Variants in OTOG observed in about 807,000 individuals in gnomAD.
OTOG encodes the protein otogelin.
In OTOG, 296 loss-of-function variants were observed where a neutral mutation model predicts 313.8. The ratio of observed to expected loss-of-function variants is 0.94; its 90% CI spans 0.86 to 1.04. OTOG has a LOEUF of 1.04. OTOG is among the 50% of genes least tolerant of loss of function. The pLI is 0.00. For synonymous variants in OTOG, 1,533 were observed against 1,554.9 expected, an observed-to-expected ratio of 0.99 and a Z score of 0.33; for missense variants, 3,948 against 3,840.1, an observed-to-expected ratio of 1.03 and a Z score of -0.74.
chr11:17,631,397 G>GT, intron 40 of OTOG, among the ~76,000 whole-genome samples: 1 of 140,624 alleles, frequency 7.1e-6, no homozygotes, highest in African/African-American at 2.8e-5. Context: ...TGTGGGGGGG[G>GT]GTATACATTT....
At chr11:17,584,014 A>C (rs1396238853) in intron 23 of OTOG, among the ~76,000 whole-genome samples, 1 of 152,210 alleles carries the variant, frequency 6.6e-6, no homozygotes, top group East Asian at 1.9e-4. Context: ...TTTCATGTGA[A>C]GGTTTACACA....
At chr11:17,634,728 G>A in intron 44 of OTOG, 116 bp from the exon 45 acceptor site, 1 of 807,400 alleles carries the variant, frequency 1.2e-6, no homozygotes, top group South Asian at 1.7e-5. Context: ...CCTGGGGGCT[G>A]GGGGGAGGAG....
intron 32 of OTOG, 70 bp from the exon 33 acceptor site, chr11:17,605,787 G>T: frequency 6.9e-7 from 1 of 1,456,110 alleles, no homozygotes; most frequent in Non-Finnish European, 9.2e-7. Flanking sequence ...GCAGATGTGT[G>T]CCAGGATGCT....
chr11:17,633,382 C>A (rs1017296469), intron 42 of OTOG, among the ~76,000 whole-genome samples: 6 of 152,188 alleles, frequency 3.9e-5, no homozygotes, highest in Non-Finnish European at 7.3e-5. Flanking sequence ...TCAACTCTAC[C>A]TTTTTTGGTA....
At chr11:17,571,946 T>A (rs963271289) in intron 17 of OTOG, 134 bp from the exon 18 acceptor site, 1 of 1,174,564 alleles carries the variant, frequency 8.5e-7, no homozygotes, top group East Asian at 2.6e-5. Flanking sequence ...CTCCTCTGAG[T>A]GTGTGTATAT....
At chr11:17,633,337 TG>T (rs1434628479) in intron 42 of OTOG, among the ~76,000 whole-genome samples, 16 of 152,370 alleles carry the variant, frequency 1.1e-4, no homozygotes, top group Admixed American at 6.5e-4. Context: ...AAGTATTTGA[TG>T]ACTTGTGTGC....
intron 54 of OTOG, among the ~76,000 whole-genome samples, chr11:17,644,859 T>C (rs1848042879): frequency 6.6e-6 from 1 of 151,904 alleles, no homozygotes; most frequent in Admixed American, 6.6e-5. Context: ...GAGGACTGAG[T>C]AGAGGCAGTG....
At chr11:17,603,005 T>A (rs1853292849) in intron 32 of OTOG, among the ~76,000 whole-genome samples, 5 of 152,192 alleles carry the variant, frequency 3.3e-5, no homozygotes, top group Admixed American at 3.3e-4. Flanking sequence ...GAAGGGAAAC[T>A]TCTTTCTTAC....
At position 17,574,800 on chromosome 11, in the gene OTOG, G is replaced by C; in HGVS notation, c.2374G>C (p.Glu792Gln). The change falls in exon 20 of 56, where the codon GAG becomes CAG. Residue 792 changes from glutamate to glutamine, a missense_variant. Physicochemically the swap from Glu to Gln is conservative, Grantham distance 29 (BLOSUM62 2). Coordinates refer to ENST00000399397, the MANE Select transcript of OTOG (RefSeq NM_001292063.2). Reference sequence around the variant, plus strand: ...TACCTGCCAGGACCTGGCCAGCCCTGAGGCCTGTGGGGTTGATGGTGGCGA... The same window carrying C: ...TACCTGCCAGGACCTGGCCAGCCCTCAGGCCTGTGGGGTTGATGGTGGCGA... ...GRTCQDLASPEACGVDGGDDL... is the reference protein window; with the variant it reads ...GRTCQDLASPQACGVDGGDDL... The C allele has an allele frequency of 1.3e-6, 2 of 1,550,624 alleles. No homozygotes were observed. The highest frequency in any genetic ancestry group is 1.7e-4 in the Middle Eastern group (1 of 5,990).
Position 17,574,888 on chromosome 11 carries a change from C to T in OTOG, c.2462C>T (p.Thr821Ile). Residue 821 changes from threonine (T) to isoleucine (I), a missense_variant, in exon 20 of 56, where the codon ACC (threonine) becomes ATC (isoleucine). Coordinates refer to ENST00000399397, the MANE Select transcript of OTOG (RefSeq NM_001292063.2). ...CACPPDTYLD[T>I]QADLCVPRNQ... is the part of the protein sequence containing the mutation. ...TGCCCACCGGACACCTATCTGGACA[C>T]CCAGGCTGACCTCTGTGTCCCCCGG... 1 of 1,526,676 alleles carries T rather than the reference C, an allele frequency of 6.6e-7. No homozygotes were observed. The highest frequency in any genetic ancestry group is 1.4e-5 in the African/African-American group (1 of 72,644). The allele number at this position is 1,526,676 out of a possible 1,614,324, so 94.6% of individuals were successfully genotyped here.
chr11:17,567,515 T>C (rs1163168127), intron 15 of OTOG, among the ~76,000 whole-genome samples: 1 of 152,228 alleles, frequency 6.6e-6, no homozygotes, highest in African/African-American at 2.4e-5. Context: ...TTATTTTTAT[T>C]TTTTATTTTT....
intron 10 of OTOG, 64 bp downstream of exon 10, chr11:17,558,708 G>A: frequency 1.4e-6 from 2 of 1,464,132 alleles, no homozygotes; most frequent in Non-Finnish European, 1.9e-6. Flanking sequence ...TCAGCACACG[G>A]GCCATCAAAC....
chr11:17,568,097 T>C (rs568283101), intron 15 of OTOG, among the ~76,000 whole-genome samples: 209 of 127,696 alleles, frequency 1.6e-3, no homozygotes, highest in African/African-American at 7.1e-3. Context: ...TCAGTGGAGA[T>C]GGGGTTTCAC....
intron 7 of OTOG, among the ~76,000 whole-genome samples, chr11:17,556,794 C>G (rs1307300802): frequency 6.6e-6 from 1 of 152,170 alleles, no homozygotes. Flanking sequence ...CTCTTGGCTT[C>G]TGTTTCCACT....
At chr11:17,549,279 G>A (rs1460165553) in intron 3 of OTOG, among the ~76,000 whole-genome samples, 1 of 152,104 alleles carries the variant, frequency 6.6e-6, no homozygotes, top group Non-Finnish European at 1.5e-5. Context: ...CAGCCCCAGC[G>A]GTCAGCTCTG....
chr11:17,627,092 A>G (rs1036085645), intron 39 of OTOG, among the ~76,000 whole-genome samples: 1 of 152,114 alleles, frequency 6.6e-6, no homozygotes, highest in African/African-American at 2.4e-5. Context: ...TTCCATTCCA[A>G]TTTCAATGCC....
intron 39 of OTOG, among the ~76,000 whole-genome samples, chr11:17,619,284 A>C (rs532225649): frequency 7.2e-5 from 11 of 152,272 alleles, no homozygotes; most frequent in African/African-American, 2.4e-4. Context: ...CAAACAAACA[A>C]ACAAATAAAA....
chr11:17,581,925 T>C (rs1381085351), intron 23 of OTOG, among the ~76,000 whole-genome samples: 1 of 152,244 alleles, frequency 6.6e-6, no homozygotes, highest in Non-Finnish European at 1.5e-5. Context: ...AATAGAATCA[T>C]ACACTATATA....
chr11:17,628,133 T>A (rs1221817843), intron 39 of OTOG, among the ~76,000 whole-genome samples: 1 of 152,126 alleles, frequency 6.6e-6, no homozygotes, highest in Non-Finnish European at 1.5e-5. Context: ...CTTTTTTAGT[T>A]CTTTAAGATA....
Sources: gnomAD v4.1 joint callset for allele counts (sites outside exome capture counted in the v4.1 genomes callset) on GRCh38, gnomAD v4.1.1 for gene constraint, MANE v1.5 for transcripts, NCBI Gene and HGNC (gene_info 2026-07-23, HGNC 2026-07-21) for gene names.